The following NPSR1 variants were observed in gnomAD, a reference collection of about 807,000 sequenced individuals.
NPSR1 encodes the protein neuropeptide S receptor 1, also known as neuropeptide S receptor.
Under a neutral mutation model 46.9 loss-of-function variants are expected in NPSR1, and 48 were observed. That is an observed-to-expected ratio of 1.02 (90% CI 0.81 to 1.30). NPSR1 has a LOEUF of 1.30. NPSR1 is among the 50% of genes most tolerant of loss of function. The pLI, the probability that NPSR1 is intolerant of heterozygous loss-of-function variation, is 0.00. For missense variants in NPSR1, 450 were observed against 449.5 expected (o/e 1.00, Z -0.01); for synonymous variants, 176 against 168.1 (o/e 1.05, Z -0.36).
chr7:34,671,968 A>C (rs1792084102), intron 1 of NPSR1, among the ~76,000 whole-genome samples: 2 of 152,134 alleles, frequency 1.3e-5, no homozygotes, highest in Non-Finnish European at 2.9e-5. Flanking sequence ...AAATTCCTGA[A>C]GGTTTATTAT....
chr7:34,765,706 G>T (rs548701923), intron 2 of NPSR1, among the ~76,000 whole-genome samples: 17 of 152,312 alleles, frequency 1.1e-4, no homozygotes, highest in Admixed American at 3.9e-4. Context: ...TTAAAAAATG[G>T]AATACTATGC....
At chr7:34,798,771 TA>T (rs1238949893) in intron 3 of NPSR1, among the ~76,000 whole-genome samples, 6 of 152,116 alleles carry the variant, frequency 3.9e-5, no homozygotes, top group African/African-American at 1.2e-4. Flanking sequence ...TTACACAAAG[TA>T]TACTCTCAGA....
chr7:34,783,017 GA>G (rs1418070004), intron 3 of NPSR1, among the ~76,000 whole-genome samples: 1 of 151,796 alleles, frequency 6.6e-6, no homozygotes, highest in African/African-American at 2.4e-5. Flanking sequence ...GCATCCAGCA[GA>G]AATTATCAAG....
At chr7:34,823,253 C>T (rs1180398092) in intron 4 of NPSR1, among the ~76,000 whole-genome samples, 5 of 151,844 alleles carry the variant, frequency 3.3e-5, no homozygotes, top group African/African-American at 7.3e-5. Flanking sequence ...ATTAGCTGGG[C>T]ATGGTGGCAT....
At chr7:34,679,505 T>C (rs1792504791) in intron 1 of NPSR1, among the ~76,000 whole-genome samples, 3 of 152,002 alleles carry the variant, frequency 2.0e-5, no homozygotes, top group Non-Finnish European at 4.4e-5. Context: ...ATCATCCGAG[T>C]GTTTTGATAA....
chr7:34,658,667 T>C, intron 1 of NPSR1, 108 bp downstream of exon 1: 1 of 1,130,142 alleles, frequency 8.8e-7, no homozygotes, highest in Non-Finnish European at 1.3e-6. Context: ...TGAGTGTTAT[T>C]TTCTTTACTA....
chr7:34,697,817 T>C (rs1793608669), intron 2 of NPSR1, among the ~76,000 whole-genome samples: 1 of 151,884 alleles, frequency 6.6e-6, no homozygotes. Flanking sequence ...AGAAAAAATA[T>C]TAGAATTATT....
In NPSR1 at chr7:34,658,646, A is replaced by G. The variant is rs567197355; in HGVS notation, c.147+87A>G. 2.0e-5 allele frequency: 25 copies of G among 1,270,014 alleles called. No individual in the cohort carries two copies. The African/African-American group carries it at 3.7e-4, about 19-fold the overall frequency. The allele number at this position is 1,270,014 out of a possible 1,614,324, so 78.7% of individuals were successfully genotyped here. On this transcript the variant is annotated intron_variant, in intron 1 of 8. Transcript: ENST00000360581. ...GAGTGTCAATTGAAGTATCATAGCC[A>G]GTATTGTGAATGAGTGTTATTTTCT...
intron 2 of NPSR1, among the ~76,000 whole-genome samples, chr7:34,724,519 G>T (rs1002509344): frequency 3.3e-5 from 5 of 152,236 alleles, no homozygotes; most frequent in African/African-American, 1.2e-4. Flanking sequence ...CTAGATCTGA[G>T]GTGGGACGCA....
chr7:34,688,310 A>G (rs947541304), intron 2 of NPSR1, among the ~76,000 whole-genome samples: 4 of 152,224 alleles, frequency 2.6e-5, no homozygotes, highest in African/African-American at 4.8e-5. Flanking sequence ...GAAGGCAACA[A>G]TACAATAATT....
At chr7:34,768,187 A>G (rs1361634193) in intron 2 of NPSR1, among the ~76,000 whole-genome samples, 1 of 152,170 alleles carries the variant, frequency 6.6e-6, no homozygotes, top group Admixed American at 6.5e-5. Context: ...CTGACTTCTT[A>G]TCTGAAGCAA....
chr7:34,660,582 G>A (rs539321546), intron 1 of NPSR1, among the ~76,000 whole-genome samples: 3 of 152,160 alleles, frequency 2.0e-5, no homozygotes, highest in East Asian at 1.9e-4. Flanking sequence ...AAAAAAAATA[G>A]CATGAAAATA....
At chr7:34,787,847 A>C (rs1399629229) in intron 3 of NPSR1, among the ~76,000 whole-genome samples, 1 of 152,096 alleles carries the variant, frequency 6.6e-6, no homozygotes, top group Non-Finnish European at 1.5e-5. Flanking sequence ...CAATTACAAT[A>C]GTATCATCAA....
intron 1 of NPSR1, among the ~76,000 whole-genome samples, chr7:34,676,288 T>C (rs1259158528): frequency 6.6e-6 from 1 of 152,126 alleles, no homozygotes; most frequent in Non-Finnish European, 1.5e-5. Flanking sequence ...CTGAGATAGG[T>C]TTTGTCTTCA....
intron 2 of NPSR1, among the ~76,000 whole-genome samples, chr7:34,689,150 G>T (rs1383822644): frequency 1.3e-5 from 2 of 152,154 alleles, no homozygotes; most frequent in Admixed American, 1.3e-4. Context: ...ACTAAGCAGG[G>T]AGCTCAGACC....
intron 8 of NPSR1, among the ~76,000 whole-genome samples, chr7:34,858,057 T>A (rs1337307492): frequency 3.3e-5 from 5 of 151,840 alleles, no homozygotes; most frequent in Non-Finnish European, 7.3e-5. Flanking sequence ...GCTGAGGATG[T>A]ACAGCATCAG....
chr7:34,876,895 G>A (rs577358420), intron 8 of NPSR1, among the ~76,000 whole-genome samples: 1 of 152,336 alleles, frequency 6.6e-6, no homozygotes, highest in Admixed American at 6.5e-5. Context: ...TCTGCTGCAG[G>A]ACTCCAGCAG....
chr7:34,813,403 T>C (rs940455534), intron 4 of NPSR1, among the ~76,000 whole-genome samples: 2 of 152,224 alleles, frequency 1.3e-5, no homozygotes, highest in South Asian at 4.1e-4. Context: ...TCACAGCTAG[T>C]AAGTGCAGGA....
Position 34,759,133 on chromosome 7 carries a change from T to TTC in NPSR1, c.281-19326_281-19325dup, listed in dbSNP as rs567700807. On this transcript the variant is annotated intron_variant, in intron 2 of 8. Transcript: ENST00000360581. ...ATTACTAGTGATGTTATTGTCAGAT[T>TTC]TCTCCACTGTAAAGATACTATTTTT... 1.2e-3 allele frequency among the ~76,000 whole-genome samples: 179 copies of TTC among 152,314 alleles called. 1 individual carries two copies. The highest frequency in any genetic ancestry group is 8.2e-4 in the Non-Finnish European group (56 of 68,026).
Sources: allele counts gnomAD v4.1 joint callset (sites outside exome capture counted in the v4.1 genomes callset), GRCh38; gene constraint gnomAD v4.1.1; transcripts MANE v1.5; gene names NCBI Gene and HGNC (gene_info 2026-07-23, HGNC 2026-07-21).